Variants in URB2 observed in about 807,000 individuals in gnomAD.
URB2 encodes the protein unhealthy ribosome biogenesis protein 2 homolog.
A neutral mutation model predicts 120.9 loss-of-function variants in URB2; 86 were observed. That is an observed-to-expected ratio of 0.71 (90% CI 0.60 to 0.85). The LOEUF (loss-of-function observed/expected upper bound fraction) is 0.85. URB2 is among the 40% of genes least tolerant of loss of function. The pLI, the probability that URB2 is intolerant of heterozygous loss-of-function variation, is 0.00. For synonymous variants in URB2, 755 were observed against 758.4 expected (o/e 1.00, Z 0.07); for missense variants, 1,765 against 1,836.5 (o/e 0.96, Z 0.71).
At chr1:229,638,503 G>A (rs564757304) in intron 4 of URB2, among the ~76,000 whole-genome samples, 90 of 152,178 alleles carry the variant, frequency 5.9e-4, no homozygotes, top group Middle Eastern at 3.4e-3. Flanking sequence ...ATAATTAGCC[G>A]GGTGTGGTGG....
At chr1:229,630,848 G>A (rs986780918) in intron 2 of URB2, among the ~76,000 whole-genome samples, 6 of 152,046 alleles carry the variant, frequency 3.9e-5, no homozygotes, top group Non-Finnish European at 5.9e-5. Context: ...CAGGCATGGT[G>A]GCGGGCACCT....
chr1:229,656,971 G>A (rs909461342), intron 9 of URB2, among the ~76,000 whole-genome samples: 2 of 152,148 alleles, frequency 1.3e-5, no homozygotes, highest in Non-Finnish European at 2.9e-5. Flanking sequence ...TAAACCCATC[G>A]TAAAAGTGAA....
chr1:229,627,537 G>T (rs1318768112), intron 1 of URB2, 84 bp from the exon 2 acceptor site: 1 of 1,339,320 alleles, frequency 7.5e-7, no homozygotes, highest in African/African-American at 1.5e-5. Flanking sequence ...ACAAGATACA[G>T]TACTGCAATA....
chr1:229,636,377 G>C lies in URB2; in HGVS notation c.1764G>C (p.Pro588=). 1 of 1,614,174 alleles carries C rather than the reference G, an allele frequency of 6.2e-7. No homozygotes were observed. Among genetic ancestry groups the C allele is most frequent in the Non-Finnish European group, 8.5e-7 (1 of 1,180,016 alleles). The part of the protein sequence containing the change: ...ELVQPLLALL[P]DTPGPEPELW... Reference sequence around the variant, plus strand: ...TGCAGCCCCTGCTGGCCCTTCTCCCGGACACCCCAGGCCCAGAGCCAGAGC... The same window carrying C: ...TGCAGCCCCTGCTGGCCCTTCTCCCCGACACCCCAGGCCCAGAGCCAGAGC... Residue 588 remains proline (P), a synonymous_variant, in exon 4 of 10, where the codon CCG becomes CCC. Coordinates refer to ENST00000258243, the MANE Select transcript of URB2 (RefSeq NM_014777.4).
rs1665854757 is a variant in URB2, at chr1:229,637,013, C to G, written c.2400C>G (p.Leu800=). 1 of 1,613,982 alleles carries G rather than the reference C, an allele frequency of 6.2e-7. No homozygotes were observed. Among genetic ancestry groups the G allele is most frequent in the Middle Eastern group, 1.6e-4 (1 of 6,084 alleles). ...CCAAAGCCTTCCTTCATAGCCCTCT[C>G]TTTCCAGAGATGCAGTCCCTTCATT... The part of the protein sequence containing the change: ...KISKAFLHSP[L]FPEMQSLHSA... The change falls in exon 4 of 10, where the codon CTC becomes CTG. Residue 800 remains leucine, a synonymous_variant. Coordinates refer to ENST00000258243, the MANE Select transcript of URB2 (RefSeq NM_014777.4).
At chr1:229,658,456 A>G (rs1666453022) in intron 9 of URB2, among the ~76,000 whole-genome samples, 1 of 152,218 alleles carries the variant, frequency 6.6e-6, no homozygotes, top group Admixed American at 6.5e-5. Flanking sequence ...GCTGTTAGGA[A>G]TTAAGTGCAT....
chr1:229,659,565 T>G lies in URB2; in HGVS notation c.*268T>G, dbSNP rs1666476188. 3.1e-6 allele frequency: 1 copy of G among 327,850 alleles called. No homozygotes were observed. Among genetic ancestry groups the G allele is most frequent in the Non-Finnish European group, 5.6e-6 (1 of 177,838 alleles). The allele number at this position is 327,850 out of a possible 1,614,324, so 20.3% of individuals were successfully genotyped here. On this transcript the variant is annotated 3_prime_UTR_variant, in exon 10 of 10. Transcript: ENST00000258243. ...GAGATTAATTCAATAGAAAAATTGC[T>G]GACTCTTGGGACCTTTCTGTGTTTG...
chr1:229,634,109 A>C (rs12404730), intron 3 of URB2, among the ~76,000 whole-genome samples: 6,340 of 152,212 alleles, frequency 0.042, 182 homozygotes, highest in East Asian at 0.073. Context: ...TTGGGATTAC[A>C]GGCATGAGCC....
At chr1:229,656,791 C>G (rs1191894825) in intron 9 of URB2, among the ~76,000 whole-genome samples, 1 of 152,156 alleles carries the variant, frequency 6.6e-6, no homozygotes, top group African/African-American at 2.4e-5. Flanking sequence ...AGTAATGAGT[C>G]CCCATGGAAA....
chr1:229,655,783 C>A (rs1024338510), intron 9 of URB2, among the ~76,000 whole-genome samples: 1 of 152,166 alleles, frequency 6.6e-6, no homozygotes, highest in Non-Finnish European at 1.5e-5. Context: ...CTTTGTAAAT[C>A]TTGTAAGAAC....
chr1:229,647,412 C>G (rs886232570), intron 6 of URB2, 98 bp from the exon 7 acceptor site: 7 of 1,441,844 alleles, frequency 4.9e-6, no homozygotes, highest in African/African-American at 1.4e-5. Flanking sequence ...CATTTTGGAG[C>G]ACAGACATTT....
At chr1:229,634,823 G>A in intron 3 of URB2, 94 bp from the exon 4 acceptor site, 3 of 1,155,114 alleles carry the variant, frequency 2.6e-6, no homozygotes, top group Non-Finnish European at 2.3e-6. Context: ...ATGAGGGAAA[G>A]GGGTGAGTTT....
At chr1:229,630,143 C>G (rs1665623829) in intron 2 of URB2, among the ~76,000 whole-genome samples, 1 of 152,194 alleles carries the variant, frequency 6.6e-6, no homozygotes, top group African/African-American at 2.4e-5. Flanking sequence ...ATTTTGACCT[C>G]TTTCCATGAT....
intron 4 of URB2, among the ~76,000 whole-genome samples, 165 bp downstream of exon 4, chr1:229,638,412 G>A (rs1333498023): frequency 2.0e-5 from 3 of 152,106 alleles, no homozygotes; most frequent in Admixed American, 6.5e-5. Flanking sequence ...TTGGGAGGCC[G>A]AGGCGGGCGG....
intron 1 of URB2, among the ~76,000 whole-genome samples, chr1:229,626,646 C>A (rs888727784): frequency 2.0e-5 from 3 of 152,248 alleles, no homozygotes; most frequent in South Asian, 2.1e-4. Flanking sequence ...GTGCTGTCCG[C>A]CCTGGACTTC....
At chr1:229,647,473 T>C (rs1666171599) in intron 6 of URB2, 37 bp from the exon 7 acceptor site, 18 of 1,595,988 alleles carry the variant, frequency 1.1e-5, no homozygotes, top group Non-Finnish European at 1.5e-5. Context: ...CTTGGGGAAT[T>C]ACTTTCATTT....
At position 229,641,009 on chromosome 1, in the gene URB2, C is replaced by CTTTTTT. The variant is rs769502292; in HGVS notation, c.3635-2508_3635-2503dup. Among the ~76,000 whole-genome samples the CTTTTTT allele has an allele frequency of 4.3e-5, 5 of 115,306 alleles. No homozygotes were observed. The East Asian group carries it at 8.3e-4, about 19-fold the overall frequency. 75.6% of individuals were successfully genotyped at this position (115,306 alleles called of 152,430 possible). On this transcript the variant is annotated intron_variant, in intron 4 of 9. Transcript: ENST00000258243. Reference sequence around the variant, plus strand: ...CAACCCTACTGAGTTGAGGCAATCTCTTTTTTTTTTTTTTTTTTTTTGAGA... The same window carrying CTTTTTT: ...CAACCCTACTGAGTTGAGGCAATCTCTTTTTTTTTTTTTTTTTTTTTTTTTTTGAGA...
At chr1:229,651,794 A>G (rs1030557794) in intron 8 of URB2, among the ~76,000 whole-genome samples, 5 of 152,394 alleles carry the variant, frequency 3.3e-5, no homozygotes, top group Non-Finnish European at 5.9e-5. Flanking sequence ...ACTAACTGCC[A>G]TATGGCAATA....
chr1:229,651,331 G>C lies in URB2; in HGVS notation c.4237+9G>C, dbSNP rs1375303221. 16 of 1,609,000 alleles carry C rather than the reference G, an allele frequency of 9.9e-6. No individual in the cohort carries two copies. The highest frequency in any genetic ancestry group is 1.4e-5 in the Non-Finnish European group (16 of 1,177,724). On this transcript the variant is annotated intron_variant, in intron 8 of 9. Coordinates refer to ENST00000258243, the MANE Select transcript of URB2 (RefSeq NM_014777.4). ...GCGGCAGAAGGACAAAGGTAATTTG[G>C]AGTAACATCAGACACAGTTTCAAAT...
Sources: allele counts gnomAD v4.1 joint callset (sites outside exome capture counted in the v4.1 genomes callset), GRCh38; gene constraint gnomAD v4.1.1; transcripts MANE v1.5; gene names NCBI Gene and HGNC (gene_info 2026-07-23, HGNC 2026-07-21).